Variants in GYS1 observed in about 807,000 individuals in gnomAD.
GYS1 encodes the protein glycogen synthase 1.
Under a neutral mutation model 89.1 loss-of-function variants are expected in GYS1, and 60 were observed. The observed-to-expected ratio is 0.67, with a 90% CI of 0.55 to 0.84. The LOEUF is 0.84. GYS1 is among the 40% of genes least tolerant of loss of function. GYS1 has a pLI of 0.00. For missense variants in GYS1, 888 were observed against 1,003.1 expected (o/e 0.89, Z 1.55); for synonymous variants, 366 against 401.7 (o/e 0.91, Z 1.06).
intron 12 of GYS1, among the ~76,000 whole-genome samples, chr19:48,973,644 A>G (rs1187846010): frequency 2.7e-5 from 4 of 150,920 alleles, no homozygotes; most frequent in Non-Finnish European, 5.9e-5. Flanking sequence ...TCAGCCTCCC[A>G]AGTAGCTGAG....
rs767926559 is a variant in GYS1, at chr19:48,974,653, G to A, written c.1389C>T (p.Ile463=). Residue 463 remains isoleucine (I), a synonymous_variant, in exon 11 of 16, where the codon ATC becomes ATT. Coordinates refer to ENST00000323798, the MANE Select transcript of GYS1 (RefSeq NM_002103.5). ...TGTCGGCACTGCTATTGAAGAGGCC[G>A]ATTCGGCGGATGGTGGTCAGGATGG... The part of the protein sequence containing the change: ...SDPILTTIRR[I]GLFNSSADRV... 4.3e-6 allele frequency: 7 copies of A among 1,613,882 alleles called. No individual in the cohort carries two copies. The highest frequency in any genetic ancestry group is 2.7e-5 in the African/African-American group (2 of 74,918).
chr19:48,984,552 C>G (rs558967584), intron 5 of GYS1, among the ~76,000 whole-genome samples: 3 of 151,478 alleles, frequency 2.0e-5, no homozygotes, highest in Non-Finnish European at 4.4e-5. Context: ...CCCACCACCA[C>G]GCCCGGCTAA....
chr19:48,981,716 T>C, intron 7 of GYS1, 80 bp from the exon 8 acceptor site: 1 of 867,158 alleles, frequency 1.2e-6, no homozygotes. Context: ...TCAAGACCAC[T>C]GGGATCCTGC....
chr19:48,968,873 C>T lies in GYS1; in HGVS notation c.*415G>A, dbSNP rs1055838386. ...CCACGTGGTTTCCAGAACTTGGTGGCCCGCATGCCGGGCCTGAGCGTGGCC... is the reference window on the plus strand; with the variant it reads ...CCACGTGGTTTCCAGAACTTGGTGGTCCGCATGCCGGGCCTGAGCGTGGCC... On this transcript the variant is annotated 3_prime_UTR_variant, in exon 16 of 16. Transcript: ENST00000323798. The T allele has an allele frequency of 1.1e-5, 5 of 467,238 alleles. No individual in the cohort carries two copies. Among genetic ancestry groups the T allele is most frequent in the Non-Finnish European group, 1.7e-5 (4 of 236,220 alleles). 28.9% of individuals were successfully genotyped at this position (467,238 alleles called of 1,614,324 possible).
At chr19:48,983,378 C>T (rs1194001410) in intron 5 of GYS1, among the ~76,000 whole-genome samples, 2 of 152,182 alleles carry the variant, frequency 1.3e-5, no homozygotes, top group Non-Finnish European at 2.9e-5. Context: ...AAGTATAAGT[C>T]TCCTCAGCTA....
chr19:48,971,054 G>T, intron 12 of GYS1, 31 bp from the exon 13 acceptor site: 1 of 1,447,606 alleles, frequency 6.9e-7, no homozygotes, highest in Non-Finnish European at 9.7e-7. Flanking sequence ...GACCCACTTA[G>T]CTTCCCTCAT....
rs1039712573 is a variant in GYS1, at chr19:48,968,167, G to C, written c.*1121C>G. 1 of 453,282 alleles carries C rather than the reference G, an allele frequency of 2.2e-6. No homozygotes were observed. The highest frequency in any genetic ancestry group is 2.0e-5 in the African/African-American group (1 of 49,834). 28.1% of individuals were successfully genotyped at this position (453,282 alleles called of 1,614,324 possible). ...GATGTATTTTTTTCATCTCATCTCCGGACACACTCCAATCACACCCCTCCT... is the reference window on the plus strand; with the variant it reads ...GATGTATTTTTTTCATCTCATCTCCCGACACACTCCAATCACACCCCTCCT... On this transcript the variant is annotated 3_prime_UTR_variant, in exon 16 of 16. Coordinates refer to ENST00000323798, the MANE Select transcript of GYS1 (RefSeq NM_002103.5).
rs1298100805 is a variant in GYS1, at chr19:48,985,852, T to C, written c.676A>G (p.Asn226Asp). 1 of 1,613,150 alleles carries C rather than the reference T, an allele frequency of 6.2e-7. No homozygotes were observed. The highest frequency in any genetic ancestry group is 8.5e-7 in the Non-Finnish European group (1 of 1,179,986). Residue 226 changes from asparagine (N) to aspartate (D), a missense_variant and splice_region_variant, in exon 4 of 16, where the codon AAC becomes GAC. Transcript: ENST00000323798. ...CATCTGCCACGGTCCCAGCTCACGT[T>C]CTCCAGGTTGTTGTAGAAGTCCACG... ...GAVDFYNNLE[N>D]FNVDKEAGER... is the part of the protein sequence containing the mutation.
Position 48,987,317 on chromosome 19 carries a change from A to G in GYS1, c.369T>C (p.Ala123=), listed in dbSNP as rs2038857880. The part of the protein sequence containing the change: ...LVVLLDVGAS[A]WALERWKGEL... ...CTCCCTTCCAGCGCTCCAGGGCCCA[A>G]GCTGAGGCACCCACGTCCAGGAGCA... The change falls in exon 3 of 16, where the codon GCT becomes GCC. Residue 123 remains alanine (A), a synonymous_variant. Transcript: ENST00000323798. 2 of 1,612,644 alleles carry G rather than the reference A, an allele frequency of 1.2e-6. No individual in the cohort carries two copies. The highest frequency in any genetic ancestry group is 1.7e-6 in the Non-Finnish European group (2 of 1,179,488).
intron 7 of GYS1, among the ~76,000 whole-genome samples, 190 bp downstream of exon 7, chr19:48,982,065 G>T (rs2038772753): frequency 6.6e-6 from 1 of 151,738 alleles, no homozygotes; most frequent in Admixed American, 6.6e-5. Context: ...GCTAATTTTT[G>T]TATTTTTTGT....
intron 14 of GYS1, chr19:48,970,142 A>G: frequency 3.9e-6 from 2 of 509,952 alleles, no homozygotes; most frequent in Non-Finnish European, 3.5e-6. Flanking sequence ...TTTTCTTTTT[A>G]AACACGGTCT....
Position 48,970,939 on chromosome 19 carries a change from G to T in GYS1, c.1634C>A (p.Pro545His), listed in dbSNP as rs1314889558. Residue 545 changes from proline (P) to histidine (H), a missense_variant, in exon 13 of 16, where the codon CCC becomes CAC. Coordinates refer to ENST00000323798, the MANE Select transcript of GYS1 (RefSeq NM_002103.5). ...GCCTGGGCGCTGACCGTAAGCTGAG[G>T]GGTCTGCGATGTGTTCCTCCATGAA... ...GCFMEEHIAD[P>H]SAYGIYILDR... 6.2e-7 allele frequency: 1 copy of T among 1,612,200 alleles called. No homozygotes were observed.
intron 14 of GYS1, among the ~76,000 whole-genome samples, chr19:48,970,057 G>C (rs1187504665): frequency 6.6e-6 from 1 of 152,194 alleles, no homozygotes; most frequent in Non-Finnish European, 1.5e-5. Flanking sequence ...CCCTCAAACA[G>C]GGGCCGAATT....
intron 1 of GYS1, among the ~76,000 whole-genome samples, chr19:48,992,729 C>G (rs1169029842): frequency 6.6e-6 from 1 of 152,112 alleles, no homozygotes; most frequent in African/African-American, 2.4e-5. Context: ...CTCTCGGAAG[C>G]CTGCCTCCAG....
At chr19:48,973,486 T>C (rs935955475) in intron 12 of GYS1, among the ~76,000 whole-genome samples, 1 of 151,020 alleles carries the variant, frequency 6.6e-6, no homozygotes, top group East Asian at 1.9e-4. Context: ...AATTAGGAAA[T>C]GGCACTAATT....
intron 5 of GYS1, among the ~76,000 whole-genome samples, chr19:48,983,972 C>G (rs917912538): frequency 6.6e-6 from 1 of 152,140 alleles, no homozygotes; most frequent in Non-Finnish European, 1.5e-5. Context: ...CTGATGGTCC[C>G]CAGCTTAGGA....
rs1404538208 is a variant in GYS1 at position 48,968,141 on chromosome 19, A to T, written c.*1147T>A. 2.2e-6 allele frequency: 1 copy of T among 450,592 alleles called. No individual in the cohort carries two copies. The highest frequency in any genetic ancestry group is 4.5e-6 in the Non-Finnish European group (1 of 224,332). 27.9% of individuals were successfully genotyped at this position (450,592 alleles called of 1,614,324 possible). On this transcript the variant is annotated 3_prime_UTR_variant, in exon 16 of 16. Coordinates refer to ENST00000323798, the MANE Select transcript of GYS1 (RefSeq NM_002103.5). Reference sequence around the variant, plus strand: ...GACCACACCTGGGATTCTTAAATATAGATGTATTTTTTTCATCTCATCTCC... The same window carrying T: ...GACCACACCTGGGATTCTTAAATATTGATGTATTTTTTTCATCTCATCTCC...
In GYS1 at chr19:48,969,127, A is replaced by C. The variant is rs1296105928; in HGVS notation, c.*161T>G. On this transcript the variant is annotated 3_prime_UTR_variant, in exon 16 of 16. Coordinates refer to ENST00000323798, the MANE Select transcript of GYS1 (RefSeq NM_002103.5). ...TGGATTCTGGAGTGCAGGAACTTGG[A>C]AACTGGAGCTGGAGGGGGTGGAGTG... 3 of 663,716 alleles carry C rather than the reference A, an allele frequency of 4.5e-6. No homozygotes were observed. In the East Asian group the frequency reaches 8.1e-5, roughly 18 times the overall value. 41.1% of individuals were successfully genotyped at this position (663,716 alleles called of 1,614,324 possible). A position where few individuals can be genotyped will look rare whatever the true frequency, so the allele number is the denominator to read the frequency against.
intron 15 of GYS1, 48 bp from the exon 16 acceptor site, chr19:48,969,659 C>T (rs777586969): frequency 2.6e-6 from 4 of 1,568,058 alleles, no homozygotes; most frequent in Admixed American, 1.7e-5. Context: ...GAGGACCTCA[C>T]AGTCCCACCC....
Sources: gnomAD v4.1 joint callset for allele counts (sites outside exome capture counted in the v4.1 genomes callset) on GRCh38, gnomAD v4.1.1 for gene constraint, MANE v1.5 for transcripts, NCBI Gene and HGNC (gene_info 2026-07-23, HGNC 2026-07-21) for gene names.